Variants in GNG2 observed in about 807,000 individuals in gnomAD.
GNG2 encodes the protein G protein subunit gamma 2.
In GNG2, 5 loss-of-function variants were observed where a neutral mutation model predicts 5.5. The observed-to-expected ratio is 0.91, with a 90% CI of 0.48 to 1.92. The LOEUF is 1.92. Among genes scored for constraint, GNG2 ranks in the 30% most tolerant of loss-of-function variants. The probability of loss-of-function intolerance (pLI) is 0.01; values close to 1 mark genes in which losing one functional copy is unlikely to be tolerated. For missense variants in GNG2, 55 were observed against 88.4 expected, an observed-to-expected ratio of 0.62 and a Z score of 1.52; for synonymous variants, 28 against 32.0, an observed-to-expected ratio of 0.88 and a Z score of 0.42.
chr14:51,848,257 T>C (rs181884399), intron 2 of GNG2, among the ~76,000 whole-genome samples: 211 of 152,270 alleles, frequency 1.4e-3, no homozygotes, highest in African/African-American at 4.8e-3. Flanking sequence ...AAGGCCCTCC[T>C]CATTGTTCTA....
At chr14:51,896,635 GTGTT>G (rs1431327054) in intron 2 of GNG2, among the ~76,000 whole-genome samples, 3 of 152,162 alleles carry the variant, frequency 2.0e-5, no homozygotes, top group Non-Finnish European at 4.4e-5. Flanking sequence ...GTGTTTGTAT[GTGTT>G]TGTGTGCAGA....
chr14:51,905,642 T>A (rs909128901), intron 2 of GNG2, among the ~76,000 whole-genome samples: 1 of 152,170 alleles, frequency 6.6e-6, no homozygotes, highest in African/African-American at 2.4e-5. Context: ...ACAGAGGGGA[T>A]ATTCTTTGGC....
At chr14:51,874,707 C>T (rs571553834) in intron 1 of GNG2, among the ~76,000 whole-genome samples, 49 of 151,560 alleles carry the variant, frequency 3.2e-4, no homozygotes, top group African/African-American at 1.0e-3. Context: ...TGCATTCTAG[C>T]GTGGGTGACA....
intron 2 of GNG2, among the ~76,000 whole-genome samples, chr14:51,903,435 G>A (rs1885690786): frequency 6.6e-6 from 1 of 152,146 alleles, no homozygotes; most frequent in African/African-American, 2.4e-5. Flanking sequence ...TGAATAACAA[G>A]AATTGATTAT....
Position 51,904,936 on chromosome 14 carries a change from C to T in GNG2, c.-30+27279C>T, listed in dbSNP as rs191407853. On this transcript the variant is annotated intron_variant, in intron 2 of 3. Transcript: ENST00000556766. ...TCAGCTGGGGACACACAGGACATTA[C>T]GGTTTGGATATGTAGGTTCTGACAG... is the stretch of plus-strand genomic sequence containing the variant. Among the ~76,000 whole-genome samples the T allele has an allele frequency of 3.9e-5, 6 of 152,276 alleles. No homozygotes were observed. In the East Asian group the frequency reaches 5.8e-4, roughly 15 times the overall value.
upstream of GNG2, among the ~76,000 whole-genome samples, chr14:51,856,712 T>G (rs72678116): frequency 0.02 from 3,032 of 152,376 alleles, 47 homozygotes; most frequent in Non-Finnish European, 0.035. Context: ...ATTACAGGCA[T>G]AGGCCACTGA....
intron 2 of GNG2, among the ~76,000 whole-genome samples, chr14:51,892,199 G>A (rs12883315): frequency 0.51 from 78,118 of 151,790 alleles, 20,611 homozygotes; most frequent in African/African-American, 0.64. Flanking sequence ...AGACAAGGAC[G>A]TAAATTGTTT....
At chr14:51,903,831 C>T (rs944873573) in intron 2 of GNG2, among the ~76,000 whole-genome samples, 1 of 152,202 alleles carries the variant, frequency 6.6e-6, no homozygotes, top group African/African-American at 2.4e-5. Context: ...AGAACTCAGA[C>T]AGTGACAGGG....
chr14:51,934,335 C>A (rs745488811), intron 2 of GNG2, among the ~76,000 whole-genome samples: 6 of 152,122 alleles, frequency 3.9e-5, no homozygotes, highest in Admixed American at 3.3e-4. Flanking sequence ...CCTTTCCAAC[C>A]AACTGGGGTC....
intron 2 of GNG2, among the ~76,000 whole-genome samples, chr14:51,842,649 TAC>T (rs1881514777): frequency 6.6e-6 from 1 of 150,690 alleles, no homozygotes; most frequent in African/African-American, 2.5e-5. Context: ...TTTTTCAGAG[TAC>T]AGTTATTTGC....
At chr14:51,885,900 A>T (rs1252870612) in intron 2 of GNG2, among the ~76,000 whole-genome samples, 1 of 152,198 alleles carries the variant, frequency 6.6e-6, no homozygotes, top group Non-Finnish European at 1.5e-5. Flanking sequence ...GCTCTAAGTA[A>T]TCAAAATCTA....
At chr14:51,908,546 C>CTATG (rs1464696346) in intron 2 of GNG2, among the ~76,000 whole-genome samples, 3 of 151,594 alleles carry the variant, frequency 2.0e-5, no homozygotes, top group African/African-American at 7.3e-5. Flanking sequence ...ATCTATCTAT[C>CTATG]TATCTATCTA....
intron 1 of GNG2, among the ~76,000 whole-genome samples, chr14:51,861,112 C>G (rs1168574679): frequency 6.6e-6 from 1 of 152,074 alleles, no homozygotes; most frequent in Non-Finnish European, 1.5e-5. Flanking sequence ...GTCTGGTCAT[C>G]GGAGCCCGGC....
At chr14:51,960,802 A>T (rs898678512) in intron 3 of GNG2, among the ~76,000 whole-genome samples, 3 of 152,132 alleles carry the variant, frequency 2.0e-5, no homozygotes, top group African/African-American at 7.2e-5. Context: ...ACTCTACTCA[A>T]TGTCTTGTGT....
At chr14:51,833,651 A>G (rs1290599843) in intron 2 of GNG2, among the ~76,000 whole-genome samples, 2 of 152,238 alleles carry the variant, frequency 1.3e-5, no homozygotes, top group Non-Finnish European at 2.9e-5. Context: ...AGGGATTATA[A>G]TTTGTGGAGT....
intron 2 of GNG2, among the ~76,000 whole-genome samples, chr14:51,851,203 GC>G (rs1881891886): frequency 6.6e-6 from 1 of 152,188 alleles, no homozygotes; most frequent in Non-Finnish European, 1.5e-5. Context: ...GGAGAAACCA[GC>G]CCCTTAGCTT....
rs57502630 is a variant in GNG2 at position 51,922,987 on chromosome 14, C to G, written c.-29-27663C>G. On this transcript the variant is annotated intron_variant, in intron 2 of 3. Coordinates refer to ENST00000556766, the MANE Select transcript of GNG2 (RefSeq NM_053064.5). The stretch of plus-strand genomic sequence containing the variant: ...CCCAGGAGCTCTGTCTTTAAACGTG[C>G]CAACATACGTTTTGTTAGCAAGGCA... Among the ~76,000 whole-genome samples the G allele has an allele frequency of 7.6e-3, 1,162 of 152,290 alleles. 18 individuals carry two copies. The highest frequency in any genetic ancestry group is 0.027 in the African/African-American group (1,108 of 41,556).
At chr14:51,827,658 C>T (rs1881064645) in intron 1 of GNG2, 1 of 699,242 alleles carries the variant, frequency 1.4e-6, no homozygotes, top group South Asian at 1.5e-5. Context: ...TATATGTTTA[C>T]ATATCCCAGA....
intron 2 of GNG2, among the ~76,000 whole-genome samples, chr14:51,918,753 A>C (rs556712489): frequency 2.7e-4 from 41 of 152,342 alleles, no homozygotes; most frequent in Middle Eastern, 3.4e-3. Context: ...AAAGGGTTGA[A>C]ATAAACAAGG....
Sources: gnomAD v4.1 joint callset for allele counts (sites outside exome capture counted in the v4.1 genomes callset) on GRCh38, gnomAD v4.1.1 for gene constraint, MANE v1.5 for transcripts, NCBI Gene and HGNC (gene_info 2026-07-23, HGNC 2026-07-21) for gene names.